Variants in EYS observed in about 807,000 individuals in gnomAD.
EYS encodes EGF-like photoreceptor maintenance factor.
EYS carries 250 observed loss-of-function variants against 282.1 expected under a neutral mutation model. The observed-to-expected ratio is 0.89, with a 90% CI of 0.80 to 0.98. EYS has a LOEUF of 0.98. Among genes scored for constraint, EYS ranks in the 50% least tolerant of loss-of-function variants. The probability of loss-of-function intolerance (pLI) is 0.00; values close to 1 mark genes in which losing one functional copy is unlikely to be tolerated. For synonymous variants in EYS, 1,355 were observed against 1,282.9 expected, an observed-to-expected ratio of 1.06 and a Z score of -1.20; for missense variants, 4,016 against 3,709.0, an observed-to-expected ratio of 1.08 and a Z score of -2.15.
intron 35 of EYS, among the ~76,000 whole-genome samples, chr6:63,946,323 T>C (rs556433814): frequency 7.4e-6 from 1 of 135,212 alleles, no homozygotes; most frequent in South Asian, 2.3e-4. Flanking sequence ...GTTCAAATTA[T>C]CTGAATGATC....
chr6:65,492,796 TAAC>T (rs1766096663), intron 4 of EYS, among the ~76,000 whole-genome samples: 1 of 152,228 alleles, frequency 6.6e-6, no homozygotes, highest in Non-Finnish European at 1.5e-5. Flanking sequence ...TTATTGGTAT[TAAC>T]TTCTATAATA....
At chr6:65,586,648 A>G (rs1181851932) in intron 2 of EYS, among the ~76,000 whole-genome samples, 1 of 152,142 alleles carries the variant, frequency 6.6e-6, no homozygotes, top group African/African-American at 2.4e-5. Context: ...TGCCCACCAC[A>G]GAATAAGAAT....
chr6:63,827,573 G>A (rs866960663), intron 36 of EYS, among the ~76,000 whole-genome samples: 9 of 152,038 alleles, frequency 5.9e-5, no homozygotes, highest in Non-Finnish European at 8.8e-5. Context: ...GGCCGGGCGC[G>A]GTGGCTCACG....
At chr6:64,043,898 C>T (rs1403528000) in intron 33 of EYS, among the ~76,000 whole-genome samples, 3 of 152,228 alleles carry the variant, frequency 2.0e-5, no homozygotes, top group East Asian at 1.9e-4. Context: ...TTACTGTTCC[C>T]CTTAAAATAT....
chr6:64,326,185 G>C (rs1377649234), intron 29 of EYS, among the ~76,000 whole-genome samples: 1 of 152,056 alleles, frequency 6.6e-6, no homozygotes, highest in Non-Finnish European at 1.5e-5. Flanking sequence ...TTTCTGCAAA[G>C]TGTGACCCCC....
chr6:64,911,597 A>G (rs917568734), intron 16 of EYS, among the ~76,000 whole-genome samples: 7 of 152,168 alleles, frequency 4.6e-5, no homozygotes, highest in Admixed American at 1.3e-4. Flanking sequence ...CTTAAGGGCC[A>G]GTGAGAGGCA....
intron 35 of EYS, among the ~76,000 whole-genome samples, chr6:63,973,996 A>G (rs1276842527): frequency 1.3e-5 from 2 of 152,126 alleles, no homozygotes; most frequent in African/African-American, 4.8e-5. Flanking sequence ...TTTGTTTACT[A>G]CTCAACCAAA....
At chr6:65,680,195 G>A (rs1421496706) in intron 1 of EYS, among the ~76,000 whole-genome samples, 1 of 151,342 alleles carries the variant, frequency 6.6e-6, no homozygotes, top group Non-Finnish European at 1.5e-5. Flanking sequence ...TGTGGGTCAC[G>A]TATCTTCACT....
chr6:63,914,430 C>T (rs971376052), intron 35 of EYS, among the ~76,000 whole-genome samples: 2 of 152,044 alleles, frequency 1.3e-5, no homozygotes, highest in Admixed American at 1.3e-4. Context: ...AAAACAAGGC[C>T]GGGTGCAGTG....
intron 31 of EYS, among the ~76,000 whole-genome samples, chr6:64,131,862 C>T (rs116496055): frequency 0.028 from 4,271 of 152,208 alleles, 64 homozygotes; most frequent in Non-Finnish European, 0.045. Context: ...AGGACAATTG[C>T]ATTTAACCCT....
At chr6:63,776,409 G>A (rs1200593517) in intron 40 of EYS, among the ~76,000 whole-genome samples, 1 of 152,090 alleles carries the variant, frequency 6.6e-6, no homozygotes, top group Non-Finnish European at 1.5e-5. Context: ...GGGTCCTGCT[G>A]TACTACTCAC....
chr6:65,143,482 T>C (rs555642852), intron 12 of EYS, among the ~76,000 whole-genome samples: 2 of 152,068 alleles, frequency 1.3e-5, no homozygotes, highest in East Asian at 3.9e-4. Context: ...AAAATAAAAT[T>C]ATTCGATTTA....
At chr6:64,181,702 C>A (rs183151249) in intron 31 of EYS, among the ~76,000 whole-genome samples, 21 of 151,982 alleles carry the variant, frequency 1.4e-4, no homozygotes, top group African/African-American at 4.1e-4. Flanking sequence ...CACTAAAAAA[C>A]GTGTTTTTTA....
chr6:64,710,712 C>A (rs1426814743), intron 22 of EYS, among the ~76,000 whole-genome samples: 1 of 152,214 alleles, frequency 6.6e-6, no homozygotes, highest in Non-Finnish European at 1.5e-5. Flanking sequence ...CAAAAAGACA[C>A]TGCGTAACCT....
At chr6:64,409,221 T>C (rs1773812483) in intron 28 of EYS, among the ~76,000 whole-genome samples, 1 of 152,164 alleles carries the variant, frequency 6.6e-6, no homozygotes, top group South Asian at 2.1e-4. Context: ...GTTGATTCCA[T>C]ATCTTTTCTA....
At chr6:64,010,939 G>A (rs1384907887) in intron 33 of EYS, among the ~76,000 whole-genome samples, 1 of 151,950 alleles carries the variant, frequency 6.6e-6, no homozygotes, top group Non-Finnish European at 1.5e-5. Context: ...CCAGATGGCA[G>A]CCTTTCTCTT....
chr6:64,032,623 A>G (rs139416847), intron 33 of EYS, among the ~76,000 whole-genome samples: 2 of 152,206 alleles, frequency 1.3e-5, no homozygotes, highest in East Asian at 3.9e-4. Flanking sequence ...GTGGGTCTCT[A>G]GATTACCTAT....
rs1222198665 is a variant in EYS at position 64,709,006 on chromosome 6, A to T, written c.3444-82761T>A. The stretch of plus-strand genomic sequence containing the variant: ...CATAGGGCAAAGATGATTGCCTGGC[A>T]TACATGCACACATACACACACACAC... On this transcript the variant is annotated intron_variant, in intron 22 of 42. Transcript: ENST00000503581. Among the ~76,000 whole-genome samples the T allele has an allele frequency of 4.1e-4, 30 of 72,834 alleles. 1 individual carries two copies. The Admixed American group carries it at 5.5e-3, about 13-fold the overall frequency. The allele number at this position is 72,834 out of a possible 152,430, so 47.8% of individuals were successfully genotyped here.
intron 29 of EYS, among the ~76,000 whole-genome samples, chr6:64,377,277 A>G (rs550860561): frequency 1.3e-5 from 2 of 152,324 alleles, no homozygotes; most frequent in Non-Finnish European, 2.9e-5. Flanking sequence ...CCAAAGAAAC[A>G]TATTAGGATT....
Sources: gnomAD v4.1 joint callset for allele counts (sites outside exome capture counted in the v4.1 genomes callset) on GRCh38, gnomAD v4.1.1 for gene constraint, MANE v1.5 for transcripts, NCBI Gene and HGNC (gene_info 2026-07-23, HGNC 2026-07-21) for gene names.